Variants in SEPTIN11 observed in about 807,000 individuals in gnomAD.
SEPTIN11 encodes the protein septin 11.
A neutral mutation model predicts 51.4 loss-of-function variants in SEPTIN11; 25 were observed. The observed-to-expected ratio is 0.49, with a 90% CI of 0.35 to 0.68. SEPTIN11 has a LOEUF of 0.68. Ranked by LOEUF, SEPTIN11 falls within the 30% of genes least tolerant of loss-of-function variation. The pLI, the probability that SEPTIN11 is intolerant of heterozygous loss-of-function variation, is 0.00. For missense variants in SEPTIN11, 381 were observed against 520.8 expected (o/e 0.73, Z 2.61); for synonymous variants, 174 against 184.1 (o/e 0.95, Z 0.44).
Position 77,028,658 on chromosome 4 carries a change from A to G in SEPTIN11, c.983A>G (p.Asn328Ser), listed in dbSNP as rs1356667896. 3 of 1,613,132 alleles carry G rather than the reference A, an allele frequency of 1.9e-6. No individual in the cohort carries two copies. Among genetic ancestry groups the G allele is most frequent in the Non-Finnish European group, 2.5e-6 (3 of 1,179,620 alleles). The change falls in exon 8 of 10, where the codon AAT becomes AGT. Residue 328 changes from asparagine (N) to serine (S), a missense_variant. Around this residue, in one of 2 missense-constraint regions of SEPTIN11, gnomAD observed 197 missense variants for 313.1 expected, o/e 0.63. Coordinates refer to ENST00000264893, the MANE Select transcript of SEPTIN11 (RefSeq NM_018243.4). ...SLQETYEAKR[N>S]EFLGELQKKE... ...CAGGAGACATATGAAGCAAAAAGGA[A>G]TGAATTCCTGGGAGAACTGCAGAAG...
chr4:77,019,760 G>T (rs1347961607), intron 6 of SEPTIN11, among the ~76,000 whole-genome samples: 7 of 152,188 alleles, frequency 4.6e-5, no homozygotes, highest in Non-Finnish European at 1.0e-4. Flanking sequence ...TGTCACGTGT[G>T]TCACTTTGAA....
rs931973686 is a variant in SEPTIN11, at chr4:76,998,305, A to G, written c.142+1766A>G. 3.3e-5 allele frequency among the ~76,000 whole-genome samples: 5 copies of G among 152,306 alleles called. No individual in the cohort carries two copies. In the East Asian group the frequency reaches 5.8e-4, roughly 18 times the overall value. On this transcript the variant is annotated intron_variant, in intron 2 of 9. Coordinates refer to ENST00000264893, the MANE Select transcript of SEPTIN11 (RefSeq NM_018243.4). ...CCACCCCCATTTCCATTTCACAGAGATAACACTGTGGGATCCTTCTAGAAA... is the reference window on the plus strand; with the variant it reads ...CCACCCCCATTTCCATTTCACAGAGGTAACACTGTGGGATCCTTCTAGAAA...
chr4:76,953,569 G>A (rs1036463653), intron 1 of SEPTIN11, among the ~76,000 whole-genome samples: 8 of 152,134 alleles, frequency 5.3e-5, no homozygotes, highest in African/African-American at 1.4e-4. Context: ...TGTGGTCGGT[G>A]TGCCTGGAGA....
rs948789642 is a variant in SEPTIN11 at position 77,035,523 on chromosome 4, G to A, written c.*1011G>A. On this transcript the variant is annotated 3_prime_UTR_variant, in exon 10 of 10. Coordinates refer to ENST00000264893, the MANE Select transcript of SEPTIN11 (RefSeq NM_018243.4). ...TATCATTGGTAGCACAAATTTGAGC[G>A]AGGCCTTGTCAATTTTAAGGTGGAA... is the stretch of plus-strand genomic sequence containing the variant. 1.1e-5 allele frequency: 11 copies of A among 985,176 alleles called. No individual in the cohort carries two copies. In the African/African-American group the frequency reaches 1.4e-4, roughly 13 times the overall value. The allele number at this position is 985,176 out of a possible 1,614,324, so 61.0% of individuals were successfully genotyped here. A position where few individuals can be genotyped will look rare whatever the true frequency, so the allele number is the denominator to read the frequency against.
intron 1 of SEPTIN11, among the ~76,000 whole-genome samples, chr4:76,968,140 A>G (rs1185547196): frequency 1.3e-5 from 2 of 152,200 alleles, no homozygotes; most frequent in African/African-American, 4.8e-5. Flanking sequence ...GGCTGTTCCT[A>G]TAGGCCATGA....
At chr4:76,977,943 C>T (rs924789118) in intron 1 of SEPTIN11, among the ~76,000 whole-genome samples, 2 of 152,136 alleles carry the variant, frequency 1.3e-5, no homozygotes, top group African/African-American at 2.4e-5. Context: ...ATATGTTAGT[C>T]ATGTGGTTTT....
chr4:77,003,847 TC>T (rs1724296356), intron 2 of SEPTIN11, among the ~76,000 whole-genome samples: 1 of 152,170 alleles, frequency 6.6e-6, no homozygotes, highest in Non-Finnish European at 1.5e-5. Context: ...ATCCTTAAAG[TC>T]ATTATAGCAG....
intron 1 of SEPTIN11, chr4:76,958,710 TTTG>T (rs773355933): frequency 1.5e-4 from 79 of 540,788 alleles, no homozygotes; most frequent in Non-Finnish European, 1.7e-4. Context: ...AGACGCGGTT[TTTG>T]TTGTTGTTGT....
At chr4:77,032,425 A>G (rs916532988) in intron 9 of SEPTIN11, among the ~76,000 whole-genome samples, 1 of 152,232 alleles carries the variant, frequency 6.6e-6, no homozygotes, top group Non-Finnish European at 1.5e-5. Context: ...TCGGGAGAGC[A>G]TCTAACACTA....
chr4:77,010,675 A>G (rs1724798450), intron 3 of SEPTIN11, among the ~76,000 whole-genome samples: 1 of 152,142 alleles, frequency 6.6e-6, no homozygotes, highest in African/African-American at 2.4e-5. Context: ...TTCCCTTTCA[A>G]GGGTTTCAGT....
At chr4:77,005,548 G>A (rs1198431602) in intron 2 of SEPTIN11, 53 bp from the exon 3 acceptor site, 2 of 1,464,034 alleles carry the variant, frequency 1.4e-6, no homozygotes, top group African/African-American at 1.4e-5. Context: ...GAATTGAACT[G>A]ATGTCTGAGA....
Position 76,996,484 on chromosome 4 carries a change from C to T in SEPTIN11, c.87C>T (p.Asp29=), listed in dbSNP as rs1723728871. 6.2e-7 allele frequency: 1 copy of T among 1,614,124 alleles called. No homozygotes were observed. Among genetic ancestry groups the T allele is most frequent in the Non-Finnish European group, 8.5e-7 (1 of 1,179,952 alleles). The change falls in exon 2 of 10, where the codon GAC becomes GAT. Residue 29 remains aspartate, a synonymous_variant. Coordinates refer to ENST00000264893, the MANE Select transcript of SEPTIN11 (RefSeq NM_018243.4). ...ATGTGGGATTTGACAGCCTCCCTGACCAGCTGGTCAACAAGTCTACTTCTC... is the reference window on the plus strand; with the variant it reads ...ATGTGGGATTTGACAGCCTCCCTGATCAGCTGGTCAACAAGTCTACTTCTC... ...SGHVGFDSLP[D]QLVNKSTSQG... is the part of the protein sequence containing the mutation.
chr4:76,955,310 A>T (rs866855095), intron 1 of SEPTIN11, among the ~76,000 whole-genome samples: 3 of 152,290 alleles, frequency 2.0e-5, no homozygotes, highest in South Asian at 2.1e-4. Flanking sequence ...AAATCTCTCT[A>T]TAGGCTGAGT....
intron 1 of SEPTIN11, among the ~76,000 whole-genome samples, chr4:76,988,588 A>C (rs894576942): frequency 2.6e-5 from 4 of 152,182 alleles, no homozygotes; most frequent in Non-Finnish European, 5.9e-5. Flanking sequence ...GGCTCATTGC[A>C]GCCTCTAACT....
chr4:76,983,860 TA>T (rs1284508136), intron 1 of SEPTIN11, among the ~76,000 whole-genome samples: 2 of 151,990 alleles, frequency 1.3e-5, no homozygotes, highest in Non-Finnish European at 2.9e-5. Context: ...ATACAAAAAT[TA>T]GCTGGGCGTG....
intron 9 of SEPTIN11, chr4:77,032,063 C>CTATT (rs1292818454): frequency 6.6e-6 from 1 of 152,176 alleles, no homozygotes; most frequent in African/African-American, 2.4e-5. Context: ...GAGCACAGTG[C>CTATT]TATTGTCCAC....
rs139478750 is a variant in SEPTIN11 at position 76,963,146 on chromosome 4, T to C, written c.27+13216T>C. The stretch of plus-strand genomic sequence containing the variant: ...AGTGGGAGGAGAAAACTTAACAAAT[T>C]TGAAGTTGAAATGTGTGATTTCTTA... On this transcript the variant is annotated intron_variant, in intron 1 of 9. Coordinates refer to ENST00000264893, the MANE Select transcript of SEPTIN11 (RefSeq NM_018243.4). Among the ~76,000 whole-genome samples the C allele has an allele frequency of 8.6e-3, 1,307 of 152,336 alleles. 9 individuals are homozygous for C. Among genetic ancestry groups the C allele is most frequent in the Non-Finnish European group, 0.012 (829 of 68,028 alleles).
Position 77,030,839 on chromosome 4 carries a change from G to A in SEPTIN11, c.1143G>A (p.Val381=). 2 of 1,611,872 alleles carry A rather than the reference G, an allele frequency of 1.2e-6. No homozygotes were observed. Among genetic ancestry groups the A allele is most frequent in the Non-Finnish European group, 8.5e-7 (1 of 1,179,580 alleles). Residue 381 remains valine, a synonymous_variant, in exon 9 of 10, where the codon GTG becomes GTA. Transcript: ENST00000264893. ...KRTHQEEKKK[V]EDKKKELEEE... is the part of the protein sequence containing the mutation. The stretch of plus-strand genomic sequence containing the variant: ...CACACCAAGAAGAAAAGAAGAAAGT[G>A]GAAGACAAGAAGAAGGAGCTTGAGG...
At chr4:76,971,032 C>A (rs1722215194) in intron 1 of SEPTIN11, among the ~76,000 whole-genome samples, 1 of 152,088 alleles carries the variant, frequency 6.6e-6, no homozygotes, top group East Asian at 1.9e-4. Flanking sequence ...TTCATTGGAA[C>A]AATAAGTATT....
Sources: gnomAD v4.1 joint callset for allele counts (sites outside exome capture counted in the v4.1 genomes callset) on GRCh38, gnomAD v4.1.1 for gene constraint, gnomAD v4.1.1 regional missense constraint, MANE v1.5 for transcripts, NCBI Gene and HGNC (gene_info 2026-07-23, HGNC 2026-07-21) for gene names.